The following TRHDE variants were observed in gnomAD, a reference collection of about 807,000 sequenced individuals.
The protein encoded by TRHDE is thyrotropin releasing hormone degrading enzyme, also known as thyrotropin-releasing hormone-degrading ectoenzyme.
Under a neutral mutation model 125.7 loss-of-function variants are expected in TRHDE, and 72 were observed. The ratio of observed to expected loss-of-function variants is 0.57; its 90% confidence interval spans 0.47 to 0.70. TRHDE has a LOEUF of 0.70. TRHDE is among the 30% of genes least tolerant of loss of function. The probability of loss-of-function intolerance (pLI) is 0.00; values close to 1 mark genes in which losing one functional copy is unlikely to be tolerated. For missense variants in TRHDE, 1,110 were observed against 1,327.1 expected, an observed-to-expected ratio of 0.84 and a Z score of 2.54; for synonymous variants, 509 against 509.1, an observed-to-expected ratio of 1.00 and a Z score of 0.00.
chr12:72,109,446 T>C (rs2139294109), intron 2 of TRHDE, among the ~76,000 whole-genome samples: 1 of 152,182 alleles, frequency 6.6e-6, no homozygotes, highest in African/African-American at 2.4e-5. Flanking sequence ...AAAATATATA[T>C]GCGACTTAAC....
At chr12:72,634,999 T>A (rs1299022452) in intron 15 of TRHDE, among the ~76,000 whole-genome samples, 1 of 152,088 alleles carries the variant, frequency 6.6e-6, no homozygotes, top group Non-Finnish European at 1.5e-5. Flanking sequence ...TGATTTATAG[T>A]CCTTTGGGTA....
intron 2 of TRHDE, among the ~76,000 whole-genome samples, chr12:72,322,077 A>G (rs768694068): frequency 1.1e-4 from 17 of 152,134 alleles, no homozygotes; most frequent in African/African-American, 1.7e-4. Context: ...TGAAAATTCT[A>G]TTTGCTAAAA....
At chr12:72,208,747 A>G (rs1159303918) in intron 2 of TRHDE, among the ~76,000 whole-genome samples, 2 of 152,190 alleles carry the variant, frequency 1.3e-5, no homozygotes, top group African/African-American at 4.8e-5. Context: ...ATTAATTATT[A>G]TTGTTTGCCA....
intron 1 of TRHDE, among the ~76,000 whole-genome samples, chr12:72,097,440 ATTTTTTTTTTTT>A (rs869290442): frequency 4.6e-5 from 1 of 21,640 alleles, no homozygotes; most frequent in Admixed American, 5.9e-4. Flanking sequence ...TTCTCACTGA[ATTTTTTTTTTTT>A]TTTTTTTTTT....
At chr12:72,484,823 C>T (rs1338631050) in intron 5 of TRHDE, among the ~76,000 whole-genome samples, 1 of 152,068 alleles carries the variant, frequency 6.6e-6, no homozygotes, top group Admixed American at 6.5e-5. Flanking sequence ...GCTCTTTTCC[C>T]CCACAAGAAA....
At chr12:72,518,278 C>T (rs1878985814) in intron 6 of TRHDE, among the ~76,000 whole-genome samples, 1 of 144,518 alleles carries the variant, frequency 6.9e-6, no homozygotes, top group South Asian at 2.2e-4. Context: ...GTGTGGGAGT[C>T]TAAGTCTCTT....
intron 2 of TRHDE, chr12:72,254,249 T>C (rs988967223): frequency 6.6e-6 from 1 of 152,084 alleles, no homozygotes; most frequent in African/African-American, 2.4e-5. Context: ...ACCCCTCTTA[T>C]CTCTATTTTC....
intron 7 of TRHDE, among the ~76,000 whole-genome samples, chr12:72,546,813 C>T (rs1869442303): frequency 6.6e-6 from 1 of 151,666 alleles, no homozygotes; most frequent in African/African-American, 2.4e-5. Flanking sequence ...TACACAAATT[C>T]TCAGCTGCCT....
At chr12:72,109,970 G>A (rs1378941455) in intron 2 of TRHDE, among the ~76,000 whole-genome samples, 3 of 151,982 alleles carry the variant, frequency 2.0e-5, no homozygotes, top group Admixed American at 6.6e-5. Flanking sequence ...TTATACATGT[G>A]TAATTTTTCC....
intron 2 of TRHDE, among the ~76,000 whole-genome samples, chr12:72,370,558 C>T (rs1318718892): frequency 6.6e-6 from 1 of 152,134 alleles, no homozygotes; most frequent in Admixed American, 6.5e-5. Flanking sequence ...TCAGTGTCAC[C>T]TATCACTATA....
chr12:72,193,871 A>G (rs1265337075), intron 2 of TRHDE, among the ~76,000 whole-genome samples: 3 of 152,142 alleles, frequency 2.0e-5, no homozygotes, highest in African/African-American at 7.2e-5. Flanking sequence ...CTTCCCTTCC[A>G]TCAGCTAGCT....
chr12:72,247,657 A>C (rs960206574), intron 2 of TRHDE, among the ~76,000 whole-genome samples: 7 of 152,182 alleles, frequency 4.6e-5, no homozygotes, highest in Non-Finnish European at 8.8e-5. Flanking sequence ...ATATTTTGGG[A>C]TTGTACTGAA....
At chr12:72,642,757 AGGAGGGGCCCTCTC>A (rs1874117138) in intron 15 of TRHDE, among the ~76,000 whole-genome samples, 1 of 152,176 alleles carries the variant, frequency 6.6e-6, no homozygotes, top group Non-Finnish European at 1.5e-5. Flanking sequence ...CATGTTCACT[AGGAGGGGCCCTCTC>A]CTTGTAATCC....
At chr12:72,653,483 T>C (rs1489911935) in intron 17 of TRHDE, among the ~76,000 whole-genome samples, 4 of 152,116 alleles carry the variant, frequency 2.6e-5, no homozygotes, top group Non-Finnish European at 4.4e-5. Flanking sequence ...GAATATGTTA[T>C]AGAAATGATT....
chr12:72,599,841 C>G (rs1324847680), intron 12 of TRHDE, among the ~76,000 whole-genome samples: 1 of 151,908 alleles, frequency 6.6e-6, no homozygotes, highest in Non-Finnish European at 1.5e-5. Context: ...TCTAGAAAAT[C>G]CTATATTTTC....
chr12:72,119,398 A>C lies in TRHDE; in HGVS notation n.279+13646A>C, dbSNP rs983176876. Among the ~76,000 whole-genome samples the C allele has an allele frequency of 2.6e-5, 4 of 152,292 alleles. No homozygotes were observed. In the East Asian group the frequency reaches 5.8e-4, roughly 22 times the overall value. On this transcript the variant is annotated intron_variant and non_coding_transcript_variant, in intron 2 of 4. Coordinates refer to the TRHDE transcript ENST00000548156. ...AGCATTATTACATTTTGGTCATAGAAGATGCTTTATACTATTTGAATTTTT... is the reference window on the plus strand; with the variant it reads ...AGCATTATTACATTTTGGTCATAGACGATGCTTTATACTATTTGAATTTTT...
chr12:72,254,133 T>C (rs1485390690), intron 2 of TRHDE: 1 of 152,160 alleles, frequency 6.6e-6, no homozygotes, highest in Non-Finnish European at 1.5e-5. Flanking sequence ...GCCTTAAGCA[T>C]AGTGACCTCA....
chr12:72,460,357 G>A (rs985103571), intron 3 of TRHDE, among the ~76,000 whole-genome samples: 2 of 152,134 alleles, frequency 1.3e-5, no homozygotes, highest in Admixed American at 1.3e-4. Flanking sequence ...GCTCTATGCT[G>A]TAGCCATTAT....
chr12:72,607,090 C>CTAT (rs1555201618), intron 12 of TRHDE, among the ~76,000 whole-genome samples: 3 of 152,144 alleles, frequency 2.0e-5, no homozygotes, highest in Non-Finnish European at 4.4e-5. Context: ...TCTTTTAAAA[C>CTAT]TATTTATTTT....
Sources: gnomAD v4.1 joint callset for allele counts (sites outside exome capture counted in the v4.1 genomes callset) on GRCh38, gnomAD v4.1.1 for gene constraint, MANE v1.5 for transcripts, NCBI Gene and HGNC (gene_info 2026-07-23, HGNC 2026-07-21) for gene names.